RGS9: variants seen among roughly 807,000 people sequenced by gnomAD.
RGS9 encodes the protein regulator of G protein signaling 9, also known as regulator of G-protein signalling 9.
Under a neutral mutation model 102.0 loss-of-function variants are expected in RGS9, and 78 were observed. The ratio of observed to expected loss-of-function variants is 0.76; its 90% CI spans 0.64 to 0.92. The LOEUF (loss-of-function observed/expected upper bound fraction) is 0.92, where lower values mean the gene tolerates loss of function less well. Ranked by LOEUF, RGS9 falls within the 40% of genes least tolerant of loss-of-function variation. RGS9 has a pLI of 0.00. For missense variants in RGS9, 833 were observed against 866.1 expected, an observed-to-expected ratio of 0.96 and a Z score of 0.48; for synonymous variants, 353 against 318.6, an observed-to-expected ratio of 1.11 and a Z score of -1.15.
At chr17:65,222,804 T>C (rs952827332) in intron 17 of RGS9, among the ~76,000 whole-genome samples, 3 of 152,168 alleles carry the variant, frequency 2.0e-5, no homozygotes, top group Non-Finnish European at 4.4e-5. Context: ...CAGCTAGAAA[T>C]GCTTTCCTTC....
intron 1 of RGS9, among the ~76,000 whole-genome samples, chr17:65,150,403 T>C (rs1910532041): frequency 1.3e-5 from 2 of 152,056 alleles, no homozygotes; most frequent in African/African-American, 4.8e-5. Flanking sequence ...GGGTGGATCA[T>C]TTGAGGTCAG....
chr17:65,148,278 T>G (rs1405083068), intron 1 of RGS9, among the ~76,000 whole-genome samples: 3 of 152,256 alleles, frequency 2.0e-5, no homozygotes, highest in Non-Finnish European at 4.4e-5. Flanking sequence ...AACAATGTTC[T>G]TTTGTATGCA....
At chr17:65,186,363 T>G (rs8072543) in intron 9 of RGS9, among the ~76,000 whole-genome samples, 45,844 of 151,238 alleles carry the variant, frequency 0.3, 10,812 homozygotes, top group African/African-American at 0.66. Context: ...TTACAGGTGT[T>G]CATCACCATG....
intron 15 of RGS9, among the ~76,000 whole-genome samples, chr17:65,204,847 C>G (rs1054797907): frequency 2.0e-5 from 3 of 152,282 alleles, no homozygotes; most frequent in African/African-American, 7.2e-5. Context: ...CTTTGCTGCT[C>G]CAGAATCTAG....
At chr17:65,169,738 C>T (rs1911339543) in intron 8 of RGS9, among the ~76,000 whole-genome samples, 1 of 152,092 alleles carries the variant, frequency 6.6e-6, no homozygotes, top group South Asian at 2.1e-4. Flanking sequence ...AGTTCTCAGC[C>T]CCCACCAGGC....
intron 16 of RGS9, among the ~76,000 whole-genome samples, chr17:65,209,574 T>C (rs774728583): frequency 5.9e-5 from 9 of 152,192 alleles, no homozygotes; most frequent in Non-Finnish European, 8.8e-5. Flanking sequence ...TTGTCCTGGC[T>C]CCTAAGGCCA....
chr17:65,227,217 A>C (rs1472403930), intron 18 of RGS9, 58 bp from the exon 19 acceptor site: 1 of 1,610,968 alleles, frequency 6.2e-7, no homozygotes, highest in Non-Finnish European at 8.5e-7. Context: ...TGATTTGGGG[A>C]GGTGCAGTCC....
In RGS9 at chr17:65,202,080, A is replaced by G; in HGVS notation, c.1064A>G (p.Lys355Arg). ...AAGGAGAAAGCAGAGGAGATTTACA[A>G]GTGAGCATCAGCCAGGGTGCTGGAA... ...KVKEKAEEIY[K>R]LFLAPGARRW... The change falls in exon 14 of 19, where the codon AAG becomes AGG. Residue 355 changes from lysine to arginine, a missense_variant and splice_region_variant. Lys to Arg is a conservative substitution (Grantham distance 26). Transcript: ENST00000262406. The G allele has an allele frequency of 6.2e-7, 1 of 1,608,718 alleles. No homozygotes were observed. The highest frequency in any genetic ancestry group is 8.5e-7 in the Non-Finnish European group (1 of 1,175,320).
intron 2 of RGS9, among the ~76,000 whole-genome samples, chr17:65,155,179 G>A (rs1051673609): frequency 1.3e-5 from 2 of 152,214 alleles, no homozygotes; most frequent in Admixed American, 6.5e-5. Flanking sequence ...TGGAAACAGG[G>A]GGCAGACTTT....
chr17:65,152,615 G>C lies in RGS9; in HGVS notation c.58-807G>C, dbSNP rs145291597. Among the ~76,000 whole-genome samples, 13 of 152,196 alleles carry C rather than the reference G, an allele frequency of 8.5e-5. No individual in the cohort carries two copies. The East Asian group carries it at 2.3e-3, about 27-fold the overall frequency. On this transcript the variant is annotated intron_variant, in intron 1 of 18. Transcript: ENST00000262406. ...TGCGATCATAGCTCACTGTAGCCTGGAACTCCTGGGCTCAAGTGATCCTCC... is the reference window on the plus strand; with the variant it reads ...TGCGATCATAGCTCACTGTAGCCTGCAACTCCTGGGCTCAAGTGATCCTCC...
chr17:65,187,565 T>G (rs1458243102), intron 9 of RGS9, among the ~76,000 whole-genome samples: 4 of 152,186 alleles, frequency 2.6e-5, no homozygotes, highest in Admixed American at 6.5e-5. Flanking sequence ...TTACTCCTTT[T>G]CAATGGGCTC....
intron 18 of RGS9, 75 bp downstream of exon 18, chr17:65,225,561 G>A: frequency 6.3e-7 from 1 of 1,592,850 alleles, no homozygotes; most frequent in Non-Finnish European, 8.5e-7. Context: ...GAATATGCAT[G>A]CTTTGGGCTG....
intron 17 of RGS9, among the ~76,000 whole-genome samples, chr17:65,223,469 C>T (rs1598012068): frequency 6.6e-6 from 1 of 152,236 alleles, no homozygotes; most frequent in Non-Finnish European, 1.5e-5. Context: ...CTTCCCCCAC[C>T]AGAGCTGTTC....
intron 1 of RGS9, among the ~76,000 whole-genome samples, chr17:65,140,116 G>A (rs1418761585): frequency 6.6e-6 from 1 of 152,210 alleles, no homozygotes; most frequent in Non-Finnish European, 1.5e-5. Context: ...AGAAAGCTGA[G>A]GCTCAGAGAG....
rs149099733 is a variant in RGS9, at chr17:65,142,186, G to A, written c.57+4589G>A. Reference sequence around the variant, plus strand: ...TTGAACCCAGGAGGCGGAGGCTGCAGTGAGCTGAGATCATGCCACCGCACT... The same window carrying A: ...TTGAACCCAGGAGGCGGAGGCTGCAATGAGCTGAGATCATGCCACCGCACT... On this transcript the variant is annotated intron_variant, in intron 1 of 18. Coordinates refer to ENST00000262406, the MANE Select transcript of RGS9 (RefSeq NM_003835.4). Among the ~76,000 whole-genome samples the A allele has an allele frequency of 5.0e-3, 757 of 152,320 alleles. 4 individuals carry two copies. The highest frequency in any genetic ancestry group is 0.017 in the African/African-American group (709 of 41,564).
At chr17:65,192,073 GT>G (rs1912390503) in intron 11 of RGS9, among the ~76,000 whole-genome samples, 1 of 152,150 alleles carries the variant, frequency 6.6e-6, no homozygotes. Flanking sequence ...TTTTAGAAAA[GT>G]TTTTTAAATT....
intron 18 of RGS9, chr17:65,225,714 A>C: frequency 1.7e-6 from 1 of 593,628 alleles, no homozygotes; most frequent in Non-Finnish European, 3.0e-6. Flanking sequence ...CATCTTCCAA[A>C]TCTTTTCCAT....
At chr17:65,217,824 CT>C (rs1272840455) in intron 17 of RGS9, among the ~76,000 whole-genome samples, 1 of 152,094 alleles carries the variant, frequency 6.6e-6, no homozygotes, top group East Asian at 1.9e-4. Context: ...GAATAGTTTA[CT>C]CTCTGATGTT....
chr17:65,224,157 G>A (rs572784171), intron 17 of RGS9, among the ~76,000 whole-genome samples: 140 of 152,306 alleles, frequency 9.2e-4, no homozygotes, highest in African/African-American at 3.3e-3. Context: ...TGGGAAAAGT[G>A]GTGATAGCAG....
Sources: allele counts gnomAD v4.1 joint callset (sites outside exome capture counted in the v4.1 genomes callset), GRCh38; gene constraint gnomAD v4.1.1; transcripts MANE v1.5; gene names NCBI Gene and HGNC (gene_info 2026-07-23, HGNC 2026-07-21).